TFAP2B: variants seen among roughly 807,000 people sequenced by gnomAD.
The protein encoded by TFAP2B is transcription factor AP-2-beta.
In TFAP2B, 9 loss-of-function variants were observed where a neutral mutation model predicts 44.3. The ratio of observed to expected loss-of-function variants is 0.20; its 90% confidence interval spans 0.12 to 0.35. The LOEUF is 0.35. Among genes scored for constraint, TFAP2B ranks in the 10% least tolerant of loss-of-function variants. TFAP2B has a pLI of 1.00. For synonymous variants in TFAP2B, 270 were observed against 263.8 expected (o/e 1.02, Z -0.23); for missense variants, 509 against 600.0 (o/e 0.85, Z 1.59).
chr6:50,836,761 C>T (rs766257846), intron 4 of TFAP2B, among the ~76,000 whole-genome samples: 2 of 152,314 alleles, frequency 1.3e-5, no homozygotes, highest in Admixed American at 6.5e-5. Context: ...AGTTGGCACC[C>T]AGTGAAATTG....
intron 2 of TFAP2B, among the ~76,000 whole-genome samples, chr6:50,824,262 C>T (rs1770442933): frequency 6.6e-6 from 1 of 152,238 alleles, no homozygotes; most frequent in African/African-American, 2.4e-5. Context: ...CATAGTGGGG[C>T]TGTCCTGCTG....
In TFAP2B at chr6:50,836,184, C is replaced by T; in HGVS notation, c.725C>T (p.Ser242Leu). 1 of 1,614,026 alleles carries T rather than the reference C, an allele frequency of 6.2e-7. No homozygotes were observed. Among genetic ancestry groups the T allele is most frequent in the South Asian group, 1.1e-5 (1 of 91,084 alleles). ...CCAGGCCGTTTGTCTCTGCTCAGTT[C>T]AACTTCGAAGTACAAAGTAACTGTG... is the stretch of plus-strand genomic sequence containing the variant. ...SVPGRLSLLS[S>L]TSKYKVTVGE... is the part of the protein sequence containing the mutation. The change falls in exon 4 of 7, where the codon TCA (serine) becomes TTA (leucine). Residue 242 changes from serine to leucine, a missense_variant. Transcript: ENST00000393655.
intron 3 of TFAP2B, among the ~76,000 whole-genome samples, chr6:50,835,090 A>G (rs537439343): frequency 3.6e-4 from 55 of 152,350 alleles, no homozygotes; most frequent in African/African-American, 9.6e-4. Context: ...GCAGAAATAC[A>G]GGCTGGAGAG....
chr6:50,820,602 G>T (rs531088923), intron 1 of TFAP2B, among the ~76,000 whole-genome samples: 1 of 152,384 alleles, frequency 6.6e-6, no homozygotes, highest in African/African-American at 2.4e-5. Flanking sequence ...GCGCCTACGC[G>T]CCTGGTGGGG....
At chr6:50,825,517 T>C (rs1222005669) in intron 2 of TFAP2B, among the ~76,000 whole-genome samples, 1 of 152,236 alleles carries the variant, frequency 6.6e-6, no homozygotes, top group African/African-American at 2.4e-5. Flanking sequence ...AGCAGTTTTC[T>C]TTAGTTAAAT....
intron 3 of TFAP2B, among the ~76,000 whole-genome samples, chr6:50,835,018 C>G (rs1762591621): frequency 6.6e-6 from 1 of 152,312 alleles, no homozygotes; most frequent in Middle Eastern, 3.4e-3. Flanking sequence ...TCATTCCCAG[C>G]CTTCTGGTTC....
chr6:50,838,781 C>T (rs1469895652), intron 5 of TFAP2B, among the ~76,000 whole-genome samples: 1 of 152,158 alleles, frequency 6.6e-6, no homozygotes, highest in African/African-American at 2.4e-5. Flanking sequence ...ATCATCTACA[C>T]AGTCCAGAAC....
intron 2 of TFAP2B, among the ~76,000 whole-genome samples, chr6:50,825,783 C>A (rs1291202782): frequency 6.6e-6 from 1 of 152,152 alleles, no homozygotes; most frequent in Non-Finnish European, 1.5e-5. Flanking sequence ...CTCCACTCAC[C>A]CAACCCCCAC....
At chr6:50,835,691 G>A (rs1762604878) in intron 3 of TFAP2B, among the ~76,000 whole-genome samples, 1 of 152,240 alleles carries the variant, frequency 6.6e-6, no homozygotes, top group Non-Finnish European at 1.5e-5. Flanking sequence ...AGGAAACTGA[G>A]GAGGTTCAGA....
intron 3 of TFAP2B, among the ~76,000 whole-genome samples, chr6:50,831,489 A>T (rs1770676767): frequency 6.6e-6 from 1 of 152,120 alleles, no homozygotes; most frequent in African/African-American, 2.4e-5. Flanking sequence ...GTGCTTTTTA[A>T]ACTCTCCTAA....
At chr6:50,829,617 GTC>G (rs1425118819) in intron 3 of TFAP2B, among the ~76,000 whole-genome samples, 2 of 152,176 alleles carry the variant, frequency 1.3e-5, no homozygotes, top group Non-Finnish European at 2.9e-5. Context: ...AAGAAATTCT[GTC>G]TCTATATTTA....
intron 1 of TFAP2B, among the ~76,000 whole-genome samples, chr6:50,821,465 A>G (rs1770343798): frequency 6.6e-6 from 1 of 152,124 alleles, no homozygotes; most frequent in South Asian, 2.1e-4. Context: ...GGATTAGGGA[A>G]GTCTCTCTCC....
At chr6:50,820,330 C>G (rs893527730) in intron 1 of TFAP2B, among the ~76,000 whole-genome samples, 3 of 152,238 alleles carry the variant, frequency 2.0e-5, no homozygotes, top group African/African-American at 7.2e-5. Flanking sequence ...GGCCGGCAAG[C>G]TCCTGGGGGA....
Position 50,840,310 on chromosome 6 carries a change from G to A in TFAP2B, c.1082+13G>A. ...TGTTGGCCACCAAGTGAGTTTATTAGACTCTGGGCCCTCATCTCACTCCCA... is the reference window on the plus strand; with the variant it reads ...TGTTGGCCACCAAGTGAGTTTATTAAACTCTGGGCCCTCATCTCACTCCCA... On this transcript the variant is annotated intron_variant, in intron 6 of 6. Transcript: ENST00000393655. The A allele has an allele frequency of 6.2e-7, 1 of 1,613,084 alleles. No individual in the cohort carries two copies.
rs146550743 is a variant in TFAP2B at position 50,833,996 on chromosome 6, C to A, written c.602-2065C>A. ...CATATCATGTTAAAATTACAAAGGG[C>A]CATCTATATTTTGGAAAATAAGTTT... On this transcript the variant is annotated intron_variant, in intron 3 of 6. Coordinates refer to ENST00000393655, the MANE Select transcript of TFAP2B (RefSeq NM_003221.4). 2.6e-3 allele frequency among the ~76,000 whole-genome samples: 396 copies of A among 152,034 alleles called. 2 individuals carry two copies. The highest frequency in any genetic ancestry group is 0.01 in the Middle Eastern group (3 of 294).
chr6:50,818,756 T>G (rs1770242192), upstream of TFAP2B: 1 of 745,064 alleles, frequency 1.3e-6, no homozygotes, highest in South Asian at 1.6e-5. Flanking sequence ...TTGTCCAGCC[T>G]ATTGTTTGAG....
In TFAP2B at chr6:50,843,590, T is replaced by TTCTCAGTG; in HGVS notation, c.*202_*209dup. 1 of 612,072 alleles carries TTCTCAGTG rather than the reference T, an allele frequency of 1.6e-6. No individual in the cohort carries two copies. Among genetic ancestry groups the TTCTCAGTG allele is most frequent in the Non-Finnish European group, 2.7e-6 (1 of 364,126 alleles). 37.9% of individuals were successfully genotyped at this position (612,072 alleles called of 1,614,324 possible). ...GCGTACAACGGAGCAACAATATCGGTTCTCAGTGTCTATTTCAAGATACAT... is the reference window on the plus strand; with the variant it reads ...GCGTACAACGGAGCAACAATATCGGTTCTCAGTGTCTCAGTGTCTATTTCAAGATACAT... On this transcript the variant is annotated 3_prime_UTR_variant, in exon 7 of 7. Transcript: ENST00000393655.
chr6:50,825,496 C>G (rs1770478806), intron 2 of TFAP2B, among the ~76,000 whole-genome samples: 1 of 151,872 alleles, frequency 6.6e-6, no homozygotes, highest in African/African-American at 2.4e-5. Context: ...AATTTTTCCC[C>G]CAAAAGAAGG....
At chr6:50,842,484 GAAGA>G (rs1219065416) in intron 6 of TFAP2B, among the ~76,000 whole-genome samples, 3 of 152,198 alleles carry the variant, frequency 2.0e-5, no homozygotes, top group Admixed American at 1.3e-4. Flanking sequence ...CCTACACTTG[GAAGA>G]AAGAAAGGAG....
Sources: allele counts gnomAD v4.1 joint callset (sites outside exome capture counted in the v4.1 genomes callset), GRCh38; gene constraint gnomAD v4.1.1; transcripts MANE v1.5; gene names NCBI Gene and HGNC (gene_info 2026-07-23, HGNC 2026-07-21).